The following XK variants were observed in gnomAD, a reference collection of about 807,000 sequenced individuals.
XK encodes X-linked Kx blood group antigen, Kell and VPS13A binding protein.
Under a neutral mutation model 14.0 loss-of-function variants are expected in XK, and 2 were observed. The observed-to-expected ratio is 0.14, with a 90% CI of 0.06 to 0.45. XK has a LOEUF of 0.45. Among genes scored for constraint, XK ranks in the 20% least tolerant of loss-of-function variants. XK has a pLI of 0.98. For synonymous variants in XK, 149 were observed against 147.5 expected, an observed-to-expected ratio of 1.01 and a Z score of -0.08; for missense variants, 235 against 341.5, an observed-to-expected ratio of 0.69 and a Z score of 2.46.
intron 2 of XK, among the ~76,000 whole-genome samples, chrX:37,719,144 A>G (rs1289693468): frequency 9.0e-6 from 1 of 111,338 alleles, no homozygotes; most frequent in Non-Finnish European, 1.9e-5. Context: ...ATTATCATTC[A>G]TCTTCCAGCT....
rs782252022 is a variant in XK at position 37,728,611 on chromosome X, A to G, written c.*149A>G. 1 of 599,182 alleles carries G rather than the reference A, an allele frequency of 1.7e-6. No individual in the cohort carries two copies. The highest frequency in any genetic ancestry group is 2.2e-5 in the African/African-American group (1 of 44,886). The allele number at this position is 599,182 out of a possible 1,213,427, so 49.4% of individuals were successfully genotyped here. A position where few individuals can be genotyped will look rare whatever the true frequency, so the allele number is the denominator to read the frequency against. On this transcript the variant is annotated 3_prime_UTR_variant, in exon 3 of 3. Transcript: ENST00000378616. ...GCTTCTCTTTATAGAGCTCTTGGGT[A>G]TGTAGAACTGTATGGGAAGAAGCCA... is the stretch of plus-strand genomic sequence containing the variant.
At chrX:37,691,228 T>C (rs1927196210) in intron 1 of XK, among the ~76,000 whole-genome samples, 1 of 112,606 alleles carries the variant, frequency 8.9e-6, no homozygotes, top group Non-Finnish European at 1.9e-5. Flanking sequence ...TCAAGAAAAT[T>C]ACTTTCTCCT....
intron 1 of XK, among the ~76,000 whole-genome samples, chrX:37,688,018 G>A (rs1245845763): frequency 6.7e-5 from 7 of 104,813 alleles, no homozygotes; most frequent in Non-Finnish European, 1.4e-4. Flanking sequence ...TTTGGGCAGG[G>A]CACTTATCAT....
At chrX:37,717,789 G>A (rs1193712459) in intron 2 of XK, among the ~76,000 whole-genome samples, 1 of 111,995 alleles carries the variant, frequency 8.9e-6, no homozygotes, top group Non-Finnish European at 1.9e-5. Flanking sequence ...TTTGGTAACA[G>A]TGAGATCTTA....
At chrX:37,702,021 G>A (rs1240441669) in intron 2 of XK, among the ~76,000 whole-genome samples, 1 of 112,160 alleles carries the variant, frequency 8.9e-6, no homozygotes, top group Non-Finnish European at 1.9e-5. Flanking sequence ...GAGAATGAAG[G>A]AAATAGCGGT....
chrX:37,707,888 C>T (rs186822862), intron 2 of XK, among the ~76,000 whole-genome samples: 4,822 of 112,103 alleles, frequency 0.043, 259 homozygotes, highest in African/African-American at 0.15. Flanking sequence ...AAGCCAAGAT[C>T]ACGCCACCGC....
At chrX:37,709,981 C>G (rs1927631072) in intron 2 of XK, among the ~76,000 whole-genome samples, 1 of 111,808 alleles carries the variant, frequency 8.9e-6, no homozygotes, top group Non-Finnish European at 1.9e-5. Flanking sequence ...TTTAATAGCT[C>G]TTTTCCTCTC....
At chrX:37,690,266 A>T (rs1396154205) in intron 1 of XK, among the ~76,000 whole-genome samples, 1 of 112,086 alleles carries the variant, frequency 8.9e-6, no homozygotes, top group East Asian at 2.8e-4. Flanking sequence ...ATTGAGGTTC[A>T]GTGAGATTAA....
intron 2 of XK, among the ~76,000 whole-genome samples, chrX:37,718,361 C>T (rs922511830): frequency 4.5e-5 from 5 of 112,002 alleles, no homozygotes; most frequent in African/African-American, 1.3e-4. Flanking sequence ...GTTTCTTTCA[C>T]TCACACTGTA....
intron 2 of XK, 98 bp downstream of exon 2, chrX:37,694,646 A>C: frequency 1.9e-6 from 2 of 1,079,094 alleles, no homozygotes; most frequent in South Asian, 4.0e-5. Context: ...TCTTAAGTGC[A>C]CTTAATTCTG....
At chrX:37,701,102 C>T (rs1569473629) in intron 2 of XK, among the ~76,000 whole-genome samples, 1 of 111,841 alleles carries the variant, frequency 8.9e-6, no homozygotes. Context: ...TATATAAAAG[C>T]TCTCTGGCCT....
chrX:37,723,376 T>C (rs1927916826), intron 2 of XK, among the ~76,000 whole-genome samples: 1 of 111,800 alleles, frequency 8.9e-6, no homozygotes, highest in African/African-American at 3.2e-5. Context: ...AATCATTTTG[T>C]ACAAGCTTCT....
chrX:37,704,044 C>T (rs1349136141), intron 2 of XK, among the ~76,000 whole-genome samples: 1 of 111,915 alleles, frequency 8.9e-6, no homozygotes, highest in Non-Finnish European at 1.9e-5. Flanking sequence ...GAAATTCTGA[C>T]TCTGTCCACT....
chrX:37,702,215 G>A (rs1264143564), intron 2 of XK, among the ~76,000 whole-genome samples: 7 of 111,269 alleles, frequency 6.3e-5, no homozygotes, highest in Non-Finnish European at 1.3e-4. Context: ...CGAGCAGCTG[G>A]GCTAAGGCTG....
intron 2 of XK, among the ~76,000 whole-genome samples, chrX:37,697,002 A>G (rs782313358): frequency 8.9e-6 from 1 of 112,282 alleles, no homozygotes; most frequent in African/African-American, 3.2e-5. Flanking sequence ...AAATCTCCCT[A>G]ACAGAAATGA....
Position 37,694,278 on chromosome X carries a change from G to C in XK, c.246-8G>C, listed in dbSNP as rs782347819. ...TCTAATTATTATGATTTCCTGATTT[G>C]TTTTCAGGTGTTTTGAAGTCTTCTG... On this transcript the variant is annotated splice_polypyrimidine_tract_variant and splice_region_variant and intron_variant, in intron 1 of 2. Transcript: ENST00000378616. 1.3e-5 allele frequency: 16 copies of C among 1,211,112 alleles called. No individual in the cohort carries two copies. The South Asian group carries it at 2.6e-4, about 20-fold the overall frequency.
rs1556442208 is a variant in XK at position 37,694,498 on chromosome X, C to T, written c.458C>T (p.Thr153Ile). ...QAFLGSAPQL[T>I]LQLYISVMQQ... ...TTCTTGGGCTCAGCCCCCCAGCTGA[C>T]CCTACAGCTGTACATAAGTGTCATG... is the stretch of plus-strand genomic sequence containing the variant. Residue 153 changes from threonine to isoleucine, a missense_variant, in exon 2 of 3, where the codon ACC becomes ATC. Physicochemically the swap from Thr to Ile is moderately conservative, Grantham distance 89. Coordinates refer to ENST00000378616, the MANE Select transcript of XK (RefSeq NM_021083.4). The T allele has an allele frequency of 2.5e-6, 3 of 1,192,007 alleles. No homozygotes were observed. Among genetic ancestry groups the T allele is most frequent in the Non-Finnish European group, 2.3e-6 (2 of 884,265 alleles).
chrX:37,695,834 C>T (rs2146813227), intron 2 of XK, among the ~76,000 whole-genome samples: 1 of 111,818 alleles, frequency 8.9e-6, no homozygotes, highest in South Asian at 3.7e-4. Context: ...AATGGATCAA[C>T]ATTTATATGT....
chrX:37,719,249 G>T lies in XK; in HGVS notation c.509-8387G>T, dbSNP rs28944468. Among the ~76,000 whole-genome samples the T allele has an allele frequency of 7.1e-3, 793 of 111,379 alleles. 11 individuals carry two copies. The highest frequency in any genetic ancestry group is 0.024 in the African/African-American group (750 of 30,794). ...CTTATACTTTCTGACTGCTTTTAAA[G>T]ACTTTCTCTTTGACTTTGGTGTTCA... is the stretch of plus-strand genomic sequence containing the variant. On this transcript the variant is annotated intron_variant, in intron 2 of 2. Transcript: ENST00000378616.
Sources: gnomAD v4.1 joint callset for allele counts (sites outside exome capture counted in the v4.1 genomes callset) on GRCh38, gnomAD v4.1.1 for gene constraint, MANE v1.5 for transcripts, NCBI Gene and HGNC (gene_info 2026-07-23, HGNC 2026-07-21) for gene names.